The following PPARGC1A variants were observed in gnomAD, a reference collection of about 807,000 sequenced individuals.
PPARGC1A encodes the protein peroxisome proliferator-activated receptor gamma coactivator 1-alpha.
A neutral mutation model predicts 88.7 loss-of-function variants in PPARGC1A; 25 were observed. The observed-to-expected ratio is 0.28, with a 90% CI of 0.21 to 0.39. The LOEUF (loss-of-function observed/expected upper bound fraction) is 0.39. Ranked by LOEUF, PPARGC1A falls within the 10% of genes least tolerant of loss-of-function variation. The probability of loss-of-function intolerance (pLI) is 1.00; values close to 1 mark genes in which losing one functional copy is unlikely to be tolerated. For synonymous variants in PPARGC1A, 363 were observed against 355.6 expected (o/e 1.02, Z -0.24); for missense variants, 880 against 968.7 (o/e 0.91, Z 1.22).
At chr4:23,903,748 C>T (rs1314125083), upstream of PPARGC1A, among the ~76,000 whole-genome samples, 1 of 152,052 alleles carries the variant, frequency 6.6e-6, no homozygotes, top group Non-Finnish European at 1.5e-5. Context: ...CCAGTCTTCC[C>T]AAATTAGGCA....
chr4:24,403,288 G>T, the PPARGC1A span, among the ~76,000 whole-genome samples: 1 of 152,216 alleles, frequency 6.6e-6, no homozygotes, highest in Non-Finnish European at 1.5e-5. Context: ...GTTGGTAACT[G>T]TGATTTTTAA....
At chr4:23,937,159 T>C in the PPARGC1A span, among the ~76,000 whole-genome samples, 23 of 151,666 alleles carry the variant, frequency 1.5e-4, no homozygotes, top group Non-Finnish European at 3.4e-4. Flanking sequence ...CGAGATACTA[T>C]ATGATTATAA....
intron 7 of PPARGC1A, among the ~76,000 whole-genome samples, chr4:23,816,381 A>G (rs150016413): frequency 3.3e-5 from 5 of 152,312 alleles, no homozygotes; most frequent in African/African-American, 1.2e-4. Context: ...TCTCTCATAG[A>G]TAAGTATGTC....
chr4:24,316,375 C>T, the PPARGC1A span, among the ~76,000 whole-genome samples: 2 of 152,220 alleles, frequency 1.3e-5, no homozygotes, highest in African/African-American at 4.8e-5. Flanking sequence ...TCCATTAGCA[C>T]AATGTCCAAA....
chr4:24,097,745 T>C, the PPARGC1A span, among the ~76,000 whole-genome samples: 5 of 152,114 alleles, frequency 3.3e-5, no homozygotes, highest in African/African-American at 1.2e-4. Flanking sequence ...TTTCAGAAGG[T>C]AGGGAAATAG....
At chr4:23,952,353 C>A in the PPARGC1A span, among the ~76,000 whole-genome samples, 2 of 152,090 alleles carry the variant, frequency 1.3e-5, no homozygotes, top group Non-Finnish European at 2.9e-5. Flanking sequence ...CTTTTACCTG[C>A]TGGCTTCCTG....
the PPARGC1A span, among the ~76,000 whole-genome samples, chr4:23,997,675 G>A: frequency 2.6e-5 from 4 of 151,648 alleles, no homozygotes; most frequent in East Asian, 2.0e-4. Context: ...CTAAGTTTTC[G>A]TATTTTAGTA....
intron 1 of PPARGC1A, chr4:23,889,024 G>T: frequency 2.0e-6 from 2 of 985,310 alleles, no homozygotes; most frequent in Non-Finnish European, 2.4e-6. Flanking sequence ...ATGCAAACAC[G>T]CCGAGGTCCT....
chr4:24,439,785 C>G, the PPARGC1A span, among the ~76,000 whole-genome samples: 1 of 152,156 alleles, frequency 6.6e-6, no homozygotes, highest in African/African-American at 2.4e-5. Flanking sequence ...ATAAAATGAC[C>G]AGTTGATGGT....
At chr4:24,264,282 A>G in the PPARGC1A span, among the ~76,000 whole-genome samples, 1 of 152,296 alleles carries the variant, frequency 6.6e-6, no homozygotes, top group Non-Finnish European at 1.5e-5. Flanking sequence ...ATGTATGTGT[A>G]CACACACATC....
the PPARGC1A span, among the ~76,000 whole-genome samples, chr4:24,222,687 C>T: frequency 6.6e-6 from 1 of 152,304 alleles, no homozygotes; most frequent in African/African-American, 2.4e-5. Flanking sequence ...TAAATTTGTT[C>T]TCAGAAACAA....
chr4:24,426,100 G>A, the PPARGC1A span, among the ~76,000 whole-genome samples: 13 of 152,108 alleles, frequency 8.5e-5, no homozygotes, highest in Admixed American at 6.6e-4. Context: ...CAACGGGGAG[G>A]GAACACTTGC....
the PPARGC1A span, among the ~76,000 whole-genome samples, chr4:24,334,534 CTT>C: frequency 2.0e-5 from 3 of 152,156 alleles, no homozygotes; most frequent in Non-Finnish European, 4.4e-5. Flanking sequence ...GTTTTTGTCA[CTT>C]TTTTATTTGC....
chr4:24,307,474 G>A, the PPARGC1A span, among the ~76,000 whole-genome samples: 1 of 152,182 alleles, frequency 6.6e-6, no homozygotes, highest in Non-Finnish European at 1.5e-5. Context: ...CATGGTGTAT[G>A]CCTGGCATTG....
At chr4:23,801,951 C>A (rs961340292) in intron 11 of PPARGC1A, 70 bp from the exon 12 acceptor site, 1 of 1,557,556 alleles carries the variant, frequency 6.4e-7, no homozygotes, top group Non-Finnish European at 8.8e-7. Flanking sequence ...ACCCTTTCTA[C>A]TTTGTGAGAC....
chr4:24,264,913 A>T, the PPARGC1A span, among the ~76,000 whole-genome samples: 4 of 152,242 alleles, frequency 2.6e-5, no homozygotes, highest in African/African-American at 9.6e-5. Context: ...TAAGTTTTAG[A>T]AACAACAAAG....
At chr4:23,962,412 T>C in the PPARGC1A span, among the ~76,000 whole-genome samples, 1 of 152,002 alleles carries the variant, frequency 6.6e-6, no homozygotes, top group African/African-American at 2.4e-5. Context: ...GCCAAACAAT[T>C]CTCTAGCAAG....
At chr4:24,098,949 A>G in the PPARGC1A span, among the ~76,000 whole-genome samples, 1 of 152,182 alleles carries the variant, frequency 6.6e-6, no homozygotes, top group Non-Finnish European at 1.5e-5. Flanking sequence ...AAGACATTCA[A>G]TACATCATCC....
the PPARGC1A span, among the ~76,000 whole-genome samples, chr4:24,351,830 T>G: frequency 1.3e-5 from 2 of 152,166 alleles, no homozygotes; most frequent in South Asian, 4.2e-4. Context: ...TTTTTGTTTT[T>G]TTTTAATATG....
Sources: allele counts gnomAD v4.1 joint callset (sites outside exome capture counted in the v4.1 genomes callset), GRCh38; gene constraint gnomAD v4.1.1; transcripts MANE v1.5; gene names NCBI Gene and HGNC (gene_info 2026-07-23, HGNC 2026-07-21).